Variants in HMGCLL1 observed in about 807,000 individuals in gnomAD.
The protein encoded by HMGCLL1 is 3-hydroxymethyl-3-methylglutaryl-CoA lyase, cytoplasmic.
A neutral mutation model predicts 39.1 loss-of-function variants in HMGCLL1; 36 were observed. The ratio of observed to expected loss-of-function variants is 0.92; its 90% CI spans 0.71 to 1.22. The LOEUF (loss-of-function observed/expected upper bound fraction) is 1.22. HMGCLL1 is among the 50% of genes most tolerant of loss of function. The pLI, the probability that HMGCLL1 is intolerant of heterozygous loss-of-function variation, is 0.00. For synonymous variants in HMGCLL1, 149 were observed against 144.0 expected, an observed-to-expected ratio of 1.03 and a Z score of -0.25; for missense variants, 451 against 416.5, an observed-to-expected ratio of 1.08 and a Z score of -0.72.
the HMGCLL1 span, among the ~76,000 whole-genome samples, chr6:55,650,090 C>CATATATATATATATATATAT: frequency 2.1e-4 from 11 of 52,282 alleles, no homozygotes; most frequent in African/African-American, 2.7e-4. Context: ...CACACATATA[C>CATATATATATATATATATAT]ATATATATAT....
chr6:55,650,096 T>TATATATATACACACATATAC, the HMGCLL1 span, among the ~76,000 whole-genome samples: 2 of 16,994 alleles, frequency 1.2e-4, no homozygotes, highest in African/African-American at 5.8e-4. Flanking sequence ...TATACATATA[T>TATATATATACACACATATAC]ATATATATAT....
intron 7 of HMGCLL1, among the ~76,000 whole-genome samples, chr6:55,445,540 C>G (rs1049317861): frequency 6.6e-6 from 1 of 151,928 alleles, no homozygotes; most frequent in South Asian, 2.1e-4. Context: ...GGCCACTTAG[C>G]TAATTTTCCT....
chr6:55,532,663 C>T (rs1271000570), intron 3 of HMGCLL1, among the ~76,000 whole-genome samples: 6 of 151,510 alleles, frequency 4.0e-5, no homozygotes, highest in African/African-American at 9.7e-5. Context: ...TAGCTGGGTG[C>T]GATGGTGGGC....
chr6:55,574,575 C>T (rs1273298746), intron 1 of HMGCLL1, among the ~76,000 whole-genome samples: 2 of 151,584 alleles, frequency 1.3e-5, no homozygotes, highest in East Asian at 3.9e-4. Context: ...AATTAAAATG[C>T]TACATGATTT....
intron 5 of HMGCLL1, among the ~76,000 whole-genome samples, chr6:55,510,796 A>G (rs984244936): frequency 6.7e-6 from 1 of 150,218 alleles, no homozygotes; most frequent in African/African-American, 2.4e-5. Flanking sequence ...TATAATAATA[A>G]TAATAAATAT....
Position 55,543,172 on chromosome 6 carries a change from A to T in HMGCLL1, c.109-1032T>A, listed in dbSNP as rs1309475254. On this transcript the variant is annotated intron_variant, in intron 1 of 8. Coordinates refer to ENST00000274901, the MANE Select transcript of HMGCLL1 (RefSeq NM_001042406.2). ...ATTATATATATTATATATATAATAT[A>T]TAATATATAATATATAATATATTAT... Among the ~76,000 whole-genome samples the T allele has an allele frequency of 5.9e-3, 58 of 9,852 alleles. 12 individuals carry two copies. Among genetic ancestry groups the T allele is most frequent in the African/African-American group, 0.012 (57 of 4,582 alleles). 6.5% of individuals were successfully genotyped at this position (9,852 alleles called of 152,430 possible). A position where few individuals can be genotyped will look rare whatever the true frequency, so the allele number is the denominator to read the frequency against.
chr6:55,489,996 T>C (rs1766228744), intron 7 of HMGCLL1, among the ~76,000 whole-genome samples: 1 of 152,006 alleles, frequency 6.6e-6, no homozygotes, highest in Admixed American at 6.6e-5. Flanking sequence ...ACTGGAGAAT[T>C]TCAAGAAAAT....
At chr6:55,603,684 T>C in the HMGCLL1 span, among the ~76,000 whole-genome samples, 1 of 152,280 alleles carries the variant, frequency 6.6e-6, no homozygotes, top group Non-Finnish European at 1.5e-5. Flanking sequence ...CCATTAATTT[T>C]AGTCTTTTCT....
At chr6:55,624,393 G>C in the HMGCLL1 span, among the ~76,000 whole-genome samples, 22 of 152,140 alleles carry the variant, frequency 1.4e-4, no homozygotes, top group African/African-American at 5.3e-4. Context: ...TGCAGCCATT[G>C]ACTTGACAAA....
At chr6:55,485,001 C>A (rs1765946216) in intron 7 of HMGCLL1, among the ~76,000 whole-genome samples, 2 of 152,130 alleles carry the variant, frequency 1.3e-5, no homozygotes, top group South Asian at 4.1e-4. Flanking sequence ...ACTCACTTAT[C>A]TCCAGCCACA....
chr6:55,598,346 C>G, the HMGCLL1 span, among the ~76,000 whole-genome samples: 1 of 152,170 alleles, frequency 6.6e-6, no homozygotes, highest in African/African-American at 2.4e-5. Flanking sequence ...GTTTCTGCCA[C>G]AGTAAATGGT....
At chr6:55,477,405 C>A (rs57354188) in intron 7 of HMGCLL1, among the ~76,000 whole-genome samples, 13,189 of 27,804 alleles carry the variant, frequency 0.47, 3,651 homozygotes, top group African/African-American at 0.62. Flanking sequence ...TATATATTAT[C>A]TAAATATATA....
At chr6:55,626,734 A>G in the HMGCLL1 span, among the ~76,000 whole-genome samples, 2 of 152,076 alleles carry the variant, frequency 1.3e-5, no homozygotes, top group African/African-American at 4.8e-5. Context: ...AGGAGACACA[A>G]CAATGATTCC....
the HMGCLL1 span, among the ~76,000 whole-genome samples, chr6:55,637,894 G>A: frequency 2.0e-5 from 3 of 151,940 alleles, no homozygotes; most frequent in Non-Finnish European, 4.4e-5. Flanking sequence ...CAAGAGGAAG[G>A]GCACTAAGAA....
chr6:55,587,774 A>T, the HMGCLL1 span, among the ~76,000 whole-genome samples: 3 of 152,062 alleles, frequency 2.0e-5, no homozygotes, highest in Non-Finnish European at 4.4e-5. Flanking sequence ...ACTAAACAGA[A>T]TTTAAACCAA....
chr6:55,661,030 G>A, the HMGCLL1 span, among the ~76,000 whole-genome samples: 3 of 151,822 alleles, frequency 2.0e-5, no homozygotes, highest in Non-Finnish European at 4.4e-5. Context: ...AAAAGGGTCT[G>A]TTTATATCTT....
At chr6:55,624,628 A>C in the HMGCLL1 span, among the ~76,000 whole-genome samples, 1 of 152,308 alleles carries the variant, frequency 6.6e-6, no homozygotes, top group African/African-American at 2.4e-5. Flanking sequence ...AGTGAGCAAG[A>C]AGTAGCAAAC....
chr6:55,488,960 G>C (rs1766181499), intron 7 of HMGCLL1, among the ~76,000 whole-genome samples: 1 of 152,036 alleles, frequency 6.6e-6, no homozygotes, highest in East Asian at 1.9e-4. Context: ...TGTTTTCGGG[G>C]TGGTGTGTCT....
At chr6:55,443,527 T>G (rs1763693504) in intron 7 of HMGCLL1, among the ~76,000 whole-genome samples, 1 of 152,146 alleles carries the variant, frequency 6.6e-6, no homozygotes, top group Non-Finnish European at 1.5e-5. Context: ...GAAACAACAG[T>G]CATTCTTCTA....
Sources: gnomAD v4.1 joint callset for allele counts (sites outside exome capture counted in the v4.1 genomes callset) on GRCh38, gnomAD v4.1.1 for gene constraint, MANE v1.5 for transcripts, NCBI Gene and HGNC (gene_info 2026-07-23, HGNC 2026-07-21) for gene names.